The following ITIH2 variants were observed in gnomAD, a reference collection of about 807,000 sequenced individuals.
The protein encoded by ITIH2 is inter-alpha-trypsin inhibitor heavy chain H2.
A neutral mutation model predicts 104.4 loss-of-function variants in ITIH2; 103 were observed. The observed-to-expected ratio is 0.99, with a 90% CI of 0.84 to 1.16. The LOEUF (loss-of-function observed/expected upper bound fraction) is 1.16. Ranked by LOEUF, ITIH2 falls within the 50% of genes most tolerant of loss-of-function variation. The pLI is 0.00. For synonymous variants in ITIH2, 436 were observed against 435.4 expected (o/e 1.00, Z -0.02); for missense variants, 1,108 against 1,162.4 (o/e 0.95, Z 0.68).
intron 2 of ITIH2, among the ~76,000 whole-genome samples, chr10:7,705,981 C>T (rs1834743320): frequency 6.6e-6 from 1 of 152,238 alleles, no homozygotes; most frequent in Admixed American, 6.5e-5. Context: ...TTTTCCAGAA[C>T]ACCAGGAAGG....
chr10:7,744,547 C>T (rs1431230181), intron 18 of ITIH2, among the ~76,000 whole-genome samples: 1 of 152,188 alleles, frequency 6.6e-6, no homozygotes, highest in Non-Finnish European at 1.5e-5. Flanking sequence ...ACAAATCCAC[C>T]AGCTGAAATC....
chr10:7,711,429 T>C (rs1834796452), intron 4 of ITIH2, among the ~76,000 whole-genome samples: 1 of 152,206 alleles, frequency 6.6e-6, no homozygotes, highest in African/African-American at 2.4e-5. Context: ...CCAGAGAAGA[T>C]ACCTGCTTAA....
chr10:7,707,398 G>A (rs1482038943), intron 3 of ITIH2, among the ~76,000 whole-genome samples, 165 bp downstream of exon 3: 2 of 152,040 alleles, frequency 1.3e-5, no homozygotes. Flanking sequence ...CAGCATTGAA[G>A]AGTGCAGTCT....
At chr10:7,725,092 C>A (rs1834940172) in intron 9 of ITIH2, among the ~76,000 whole-genome samples, 1 of 152,118 alleles carries the variant, frequency 6.6e-6, no homozygotes, top group African/African-American at 2.4e-5. Flanking sequence ...AAACTTACAT[C>A]TGAGGGATAG....
intron 19 of ITIH2, among the ~76,000 whole-genome samples, chr10:7,746,235 C>A (rs911203991): frequency 6.6e-6 from 1 of 150,914 alleles, no homozygotes; most frequent in Non-Finnish European, 1.5e-5. Flanking sequence ...ATTAGCCAGG[C>A]GTAGTGGCTC....
Position 7,732,490 on chromosome 10 carries a change from G to A in ITIH2, c.1787+13G>A. On this transcript the variant is annotated intron_variant, in intron 14 of 20. Transcript: ENST00000358415. ...TGCTAGCTGAACGGTAAGAAGAGAAGAGTACCCACACCACGAGATCTGCAA... is the reference window on the plus strand; with the variant it reads ...TGCTAGCTGAACGGTAAGAAGAGAAAAGTACCCACACCACGAGATCTGCAA... The A allele has an allele frequency of 6.2e-7, 1 of 1,608,592 alleles. No individual in the cohort carries two copies. Among genetic ancestry groups the A allele is most frequent in the Non-Finnish European group, 8.5e-7 (1 of 1,175,472 alleles).
At chr10:7,735,219 G>A in intron 15 of ITIH2, 128 bp downstream of exon 15, 3 of 745,392 alleles carry the variant, frequency 4.0e-6, no homozygotes, top group Non-Finnish European at 6.2e-6. Flanking sequence ...GCCCTCCTGT[G>A]CCCAAGCTCT....
Position 7,744,805 on chromosome 10 carries a change from T to C in ITIH2, c.2423T>C (p.Val808Ala). Residue 808 changes from valine to alanine, a missense_variant, in exon 19 of 21, where the codon GTG (valine) becomes GCG (alanine). Transcript: ENST00000358415. ...QVTNQRVQIS[V>A]KKEKVVTITL... is the part of the protein sequence containing the mutation. ...TTTCACACCAGGGTGCAGATCTCAG[T>C]GAAGAAAGAAAAAGTGGTAACTATC... 6.2e-7 allele frequency: 1 copy of C among 1,613,884 alleles called. No homozygotes were observed. The highest frequency in any genetic ancestry group is 8.5e-7 in the Non-Finnish European group (1 of 1,179,854).
chr10:7,729,473 T>C (rs1371747741), intron 11 of ITIH2, among the ~76,000 whole-genome samples: 1 of 152,234 alleles, frequency 6.6e-6, no homozygotes, highest in Non-Finnish European at 1.5e-5. Context: ...TATATATACA[T>C]GTTTGCACAC....
At chr10:7,739,064 G>A (rs1172618611) in intron 16 of ITIH2, among the ~76,000 whole-genome samples, 1 of 152,188 alleles carries the variant, frequency 6.6e-6, no homozygotes, top group Non-Finnish European at 1.5e-5. Context: ...GAGAGTTTTG[G>A]TGGCTGTGGC....
rs969014027 is a variant in ITIH2 at position 7,703,346 on chromosome 10, G to C, written c.-89G>C. 4.8e-6 allele frequency: 4 copies of C among 834,728 alleles called. No homozygotes were observed. Among genetic ancestry groups the C allele is most frequent in the Non-Finnish European group, 8.4e-6 (4 of 477,562 alleles). The allele number at this position is 834,728 out of a possible 1,614,324, so 51.7% of individuals were successfully genotyped here. On this transcript the variant is annotated 5_prime_UTR_variant, in exon 1 of 21. Coordinates refer to ENST00000358415, the MANE Select transcript of ITIH2 (RefSeq NM_002216.3). Reference sequence around the variant, plus strand: ...TTCTTAAAGCGAACTGTACTCCTCTGCTGTTCCTTTGAACTTGGTTCAGTA... The same window carrying C: ...TTCTTAAAGCGAACTGTACTCCTCTCCTGTTCCTTTGAACTTGGTTCAGTA...
intron 11 of ITIH2, 106 bp downstream of exon 11, chr10:7,727,934 G>C (rs1277484533): frequency 2.3e-6 from 3 of 1,321,320 alleles, no homozygotes; most frequent in Non-Finnish European, 3.2e-6. Flanking sequence ...TGAGTTTCTA[G>C]AACATTTTAA....
chr10:7,749,105 C>T lies in ITIH2; in HGVS notation c.2694-82C>T, dbSNP rs776683780. The T allele has an allele frequency of 3.3e-5, 47 of 1,416,416 alleles. No individual in the cohort carries two copies. In the Middle Eastern group the frequency reaches 5.8e-4, roughly 17 times the overall value. 87.7% of individuals were successfully genotyped at this position (1,416,416 alleles called of 1,614,324 possible). On this transcript the variant is annotated intron_variant, in intron 20 of 20. Transcript: ENST00000358415. ...GGCAGATGTGGTGACAGAAGGAACA[C>T]GAAGAACAGCAAGGAAAAGAGGGAG...
chr10:7,721,670 A>T lies in ITIH2; in HGVS notation c.760A>T (p.Thr254Ser). The T allele has an allele frequency of 6.2e-7, 1 of 1,613,930 alleles. No individual in the cohort carries two copies. The highest frequency in any genetic ancestry group is 1.1e-5 in the South Asian group (1 of 91,062). ...QQKAHVSFKP[T>S]VAQQRICPNC... ...CTAGGCGCACGTCTCCTTCAAGCCCACGGTAGCACAGCAGAGAATATGCCC... is the reference window on the plus strand; with the variant it reads ...CTAGGCGCACGTCTCCTTCAAGCCCTCGGTAGCACAGCAGAGAATATGCCC... The change falls in exon 8 of 21, where the codon ACG (threonine) becomes TCG (serine). Residue 254 changes from threonine to serine, a missense_variant. Transcript: ENST00000358415.
chr10:7,709,331 C>T (rs929030714), intron 4 of ITIH2, 140 bp downstream of exon 4: 2 of 701,270 alleles, frequency 2.9e-6, no homozygotes, highest in Non-Finnish European at 4.8e-6. Context: ...AGGTTGGTCC[C>T]AATAATTTTC....
intron 16 of ITIH2, 23 bp downstream of exon 16, chr10:7,738,781 A>G (rs1442479388): frequency 6.4e-7 from 1 of 1,552,266 alleles, no homozygotes; most frequent in Non-Finnish European, 8.7e-7. Context: ...CACTGCTTGC[A>G]CGTCCCAGAA....
chr10:7,736,041 A>T (rs539223707), intron 15 of ITIH2, among the ~76,000 whole-genome samples: 9 of 152,102 alleles, frequency 5.9e-5, no homozygotes, highest in African/African-American at 1.7e-4. Flanking sequence ...ACTCATTTTT[A>T]AAAAATACAT....
chr10:7,721,744 C>T lies in ITIH2; in HGVS notation c.834C>T (p.Asp278=), dbSNP rs763511313. The change falls in exon 8 of 21, where the codon GAC becomes GAT. Residue 278 remains aspartate (D), a synonymous_variant. Transcript: ENST00000358415. ...ATGGGGAACTGGTGGTGCTGTATGA[C>T]GTGAAAAGAGAAGAGAAGGCTGGTG... The part of the protein sequence containing the change: ...AVDGELVVLY[D]VKREEKAGEL... 6 of 1,613,902 alleles carry T rather than the reference C, an allele frequency of 3.7e-6. No homozygotes were observed. Among genetic ancestry groups the T allele is most frequent in the Admixed American group, 1.7e-5 (1 of 59,996 alleles).
At chr10:7,727,625 A>G in intron 10 of ITIH2, 78 bp from the exon 11 acceptor site, 6 of 1,518,672 alleles carry the variant, frequency 4.0e-6, no homozygotes, top group Non-Finnish European at 5.4e-6. Context: ...CAGCCGACAT[A>G]TGAGTCTGAA....
Sources: gnomAD v4.1 joint callset for allele counts (sites outside exome capture counted in the v4.1 genomes callset) on GRCh38, gnomAD v4.1.1 for gene constraint, MANE v1.5 for transcripts, NCBI Gene and HGNC (gene_info 2026-07-23, HGNC 2026-07-21) for gene names.